The following RAB22A variants were observed in gnomAD, a reference collection of about 807,000 sequenced individuals.
RAB22A encodes ras-related protein Rab-22A.
A neutral mutation model predicts 30.2 loss-of-function variants in RAB22A; 13 were observed. That is an observed-to-expected ratio of 0.43 (90% confidence interval 0.28 to 0.68). The LOEUF is 0.68. Among genes scored for constraint, RAB22A ranks in the 30% least tolerant of loss-of-function variants. The probability of loss-of-function intolerance (pLI) is 0.18; values close to 1 mark genes in which losing one functional copy is unlikely to be tolerated. For synonymous variants in RAB22A, 89 were observed against 87.2 expected (o/e 1.02, Z -0.11); for missense variants, 177 against 246.8 (o/e 0.72, Z 1.89).
intron 2 of RAB22A, among the ~76,000 whole-genome samples, chr20:58,312,973 A>G (rs183128532): frequency 2.0e-5 from 3 of 152,342 alleles, no homozygotes; most frequent in Admixed American, 2.0e-4. Context: ...TGCATGGGAA[A>G]GTGAAGTGTT....
Position 58,359,594 on chromosome 20 carries a change from A to AT in RAB22A, c.488-11dup. Reference sequence around the variant, plus strand: ...AAAGCTCACTCCCTTCCCTTTTCTCATCTTGGTTTAGGTCGAAGAATTCCA... The same window carrying AT: ...AAAGCTCACTCCCTTCCCTTTTCTCATTCTTGGTTTAGGTCGAAGAATTCCA... On this transcript the variant is annotated splice_polypyrimidine_tract_variant and intron_variant, in intron 6 of 6. Transcript: ENST00000244040. 6 of 1,578,846 alleles carry AT rather than the reference A, an allele frequency of 3.8e-6. No homozygotes were observed. Among genetic ancestry groups the AT allele is most frequent in the Non-Finnish European group, 5.2e-6 (6 of 1,154,664 alleles).
intron 1 of RAB22A, 73 bp downstream of exon 1, chr20:58,310,085 C>T (rs1416778252): frequency 1.1e-5 from 13 of 1,215,460 alleles, no homozygotes; most frequent in East Asian, 9.5e-5. Context: ...CCCCCCTGTC[C>T]CCTCATCCCT....
rs1238995197 is a variant in RAB22A at position 58,353,518 on chromosome 20, A to G, written c.357A>G (p.Lys119=). The change falls in exon 5 of 7, where the codon AAA becomes AAG. Residue 119 remains lysine, a synonymous_variant. Transcript: ENST00000244040. ...PNIVVAIAGN[K]CDLIDVREVM... is the part of the protein sequence containing the mutation. ...TTGTAGTTGCCATTGCAGGAAATAAATGTGATCTTATCGATGTAAGGTAAG... is the reference window on the plus strand; with the variant it reads ...TTGTAGTTGCCATTGCAGGAAATAAGTGTGATCTTATCGATGTAAGGTAAG... 2 of 1,604,572 alleles carry G rather than the reference A, an allele frequency of 1.2e-6. No homozygotes were observed. The highest frequency in any genetic ancestry group is 1.7e-6 in the Non-Finnish European group (2 of 1,171,442).
chr20:58,320,467 T>C (rs763331632), intron 2 of RAB22A, among the ~76,000 whole-genome samples: 7 of 152,192 alleles, frequency 4.6e-5, no homozygotes, highest in Non-Finnish European at 1.0e-4. Flanking sequence ...ATAGTGCTGA[T>C]TTGAGCCTTC....
At chr20:58,315,327 G>A (rs1986314426) in intron 2 of RAB22A, among the ~76,000 whole-genome samples, 1 of 152,112 alleles carries the variant, frequency 6.6e-6, no homozygotes. Context: ...CCAAGCCCAT[G>A]CCTCCAACCC....
Position 58,361,064 on chromosome 20 carries a change from C to T in RAB22A, c.*1361C>T, listed in dbSNP as rs1479575892. 5 of 152,604 alleles carry T rather than the reference C, an allele frequency of 3.3e-5. No individual in the cohort carries two copies. Among genetic ancestry groups the T allele is most frequent in the African/African-American group, 1.2e-4 (5 of 41,430 alleles). The allele number at this position is 152,604 out of a possible 1,614,324, so 9.5% of individuals were successfully genotyped here. On this transcript the variant is annotated 3_prime_UTR_variant, in exon 7 of 7. Transcript: ENST00000244040. Reference sequence around the variant, plus strand: ...CCCCTGCCTCTGTTAGTGGTTAACACTCTTTTCCCTCAGGGAGCCTAATGA... The same window carrying T: ...CCCCTGCCTCTGTTAGTGGTTAACATTCTTTTCCCTCAGGGAGCCTAATGA...
intron 6 of RAB22A, among the ~76,000 whole-genome samples, chr20:58,357,899 G>T (rs1489953309): frequency 6.6e-6 from 1 of 152,216 alleles, no homozygotes; most frequent in African/African-American, 2.4e-5. Flanking sequence ...ATGTCAAAAG[G>T]TGTACATGTC....
intron 2 of RAB22A, among the ~76,000 whole-genome samples, chr20:58,315,134 T>C (rs1210238883): frequency 2.0e-5 from 3 of 152,152 alleles, no homozygotes; most frequent in Admixed American, 2.0e-4. Flanking sequence ...CATCCCTGCT[T>C]CTCAGTTGAA....
At chr20:58,323,834 A>T (rs1032024234) in intron 2 of RAB22A, among the ~76,000 whole-genome samples, 13 of 151,714 alleles carry the variant, frequency 8.6e-5, no homozygotes, top group African/African-American at 3.1e-4. Flanking sequence ...TGTTGACTTT[A>T]TCAAAATATT....
At chr20:58,322,857 C>T (rs80233899) in intron 2 of RAB22A, among the ~76,000 whole-genome samples, 7 of 151,922 alleles carry the variant, frequency 4.6e-5, no homozygotes, top group South Asian at 2.1e-4. Context: ...GCCATTGTCA[C>T]GATTTCTAAT....
intron 2 of RAB22A, among the ~76,000 whole-genome samples, chr20:58,320,409 T>C (rs1332098811): frequency 6.6e-6 from 1 of 152,196 alleles, no homozygotes; most frequent in Non-Finnish European, 1.5e-5. Context: ...CCACTTCTTA[T>C]CCTTTTAATG....
intron 3 of RAB22A, among the ~76,000 whole-genome samples, chr20:58,350,695 A>G (rs1987033626): frequency 6.6e-6 from 1 of 152,254 alleles, no homozygotes; most frequent in Non-Finnish European, 1.5e-5. Flanking sequence ...TCAAATATAA[A>G]GTCAAAGTAA....
At chr20:58,312,674 G>A (rs1986254998) in intron 2 of RAB22A, among the ~76,000 whole-genome samples, 1 of 151,266 alleles carries the variant, frequency 6.6e-6, no homozygotes, top group African/African-American at 2.4e-5. Context: ...TGTATTTTTA[G>A]TAGAGACGGG....
intron 2 of RAB22A, among the ~76,000 whole-genome samples, chr20:58,319,172 T>C (rs930286078): frequency 6.6e-6 from 1 of 151,950 alleles, no homozygotes; most frequent in Non-Finnish European, 1.5e-5. Context: ...GACCCTTACC[T>C]CACAAAGTAA....
At chr20:58,358,756 G>A (rs182144993) in intron 6 of RAB22A, among the ~76,000 whole-genome samples, 58 of 152,156 alleles carry the variant, frequency 3.8e-4, no homozygotes, top group Non-Finnish European at 7.5e-4. Context: ...TTAGCCGGGC[G>A]TGGCGGTACA....
intron 6 of RAB22A, among the ~76,000 whole-genome samples, chr20:58,357,145 A>G (rs1422153142): frequency 2.6e-5 from 4 of 152,230 alleles, no homozygotes; most frequent in Non-Finnish European, 5.9e-5. Flanking sequence ...CCGGTAGTGT[A>G]TGAGAAGTCC....
chr20:58,356,557 A>G (rs957543641), intron 6 of RAB22A, among the ~76,000 whole-genome samples: 1 of 152,238 alleles, frequency 6.6e-6, no homozygotes, highest in Admixed American at 6.5e-5. Context: ...TGCACGTATC[A>G]GAAGTATAAG....
rs1036873349 is a variant in RAB22A, at chr20:58,338,304, G to C, written c.117-5414G>C. On this transcript the variant is annotated intron_variant, in intron 2 of 6. Coordinates refer to ENST00000244040, the MANE Select transcript of RAB22A (RefSeq NM_020673.3). The stretch of plus-strand genomic sequence containing the variant: ...GCCTCTCAAAGTGCTGGGATTACAG[G>C]CTTGAGCCACCGTGCCCAGCCTGTT... 2.0e-5 allele frequency among the ~76,000 whole-genome samples: 3 copies of C among 152,070 alleles called. No individual in the cohort carries two copies. The East Asian group carries it at 5.8e-4, about 29-fold the overall frequency.
rs188380879 is a variant in RAB22A at position 58,360,683 on chromosome 20, C to T, written c.*980C>T. 2 of 152,750 alleles carry T rather than the reference C, an allele frequency of 1.3e-5. No homozygotes were observed. Among genetic ancestry groups the T allele is most frequent in the East Asian group, 3.9e-4 (2 of 5,188 alleles). 9.5% of individuals were successfully genotyped at this position (152,750 alleles called of 1,614,324 possible). A position where few individuals can be genotyped will look rare whatever the true frequency, so the allele number is the denominator to read the frequency against. On this transcript the variant is annotated 3_prime_UTR_variant, in exon 7 of 7. Transcript: ENST00000244040. Reference sequence around the variant, plus strand: ...TCATTTGACATTCCATTGAATCTCGCACCCAGTCTTGCGTATGCCTGCCCA... The same window carrying T: ...TCATTTGACATTCCATTGAATCTCGTACCCAGTCTTGCGTATGCCTGCCCA...
Sources: gnomAD v4.1 joint callset for allele counts (sites outside exome capture counted in the v4.1 genomes callset) on GRCh38, gnomAD v4.1.1 for gene constraint, MANE v1.5 for transcripts, NCBI Gene and HGNC (gene_info 2026-07-23, HGNC 2026-07-21) for gene names.